Variants in RBFOX1 observed in about 807,000 individuals in gnomAD.
RBFOX1 encodes the protein RNA binding protein fox-1 homolog 1.
In RBFOX1, 8 loss-of-function variants were observed where a neutral mutation model predicts 57.7. The observed-to-expected ratio is 0.14, with a 90% CI of 0.08 to 0.25. The LOEUF (loss-of-function observed/expected upper bound fraction) is 0.25, where lower values mean the gene tolerates loss of function less well. RBFOX1 is among the 10% of genes least tolerant of loss of function. The pLI is 1.00. For missense variants in RBFOX1, 611 were observed against 548.5 expected (o/e 1.11, Z -1.14); for synonymous variants, 326 against 222.4 (o/e 1.47, Z -4.15).
chr16:5,595,771 G>A (rs756345430), intron 2 of RBFOX1, among the ~76,000 whole-genome samples: 16 of 152,246 alleles, frequency 1.1e-4, no homozygotes, highest in East Asian at 1.9e-4. Flanking sequence ...CTCTGTTTTC[G>A]AGTTAAGGAG....
intron 1 of RBFOX1, among the ~76,000 whole-genome samples, chr16:6,166,222 C>T (rs999570848): frequency 4.6e-5 from 7 of 152,134 alleles, no homozygotes; most frequent in African/African-American, 1.7e-4. Flanking sequence ...AAACGTCTTC[C>T]ACCTCACAGG....
intron 4 of RBFOX1, among the ~76,000 whole-genome samples, chr16:7,262,937 G>T (rs1019013763): frequency 1.3e-5 from 2 of 152,162 alleles, no homozygotes; most frequent in Non-Finnish European, 2.9e-5. Flanking sequence ...ATTGCCACTG[G>T]ACAAGAGAGT....
intron 1 of RBFOX1, among the ~76,000 whole-genome samples, chr16:5,332,020 T>G (rs2064770385): frequency 6.6e-6 from 1 of 152,214 alleles, no homozygotes; most frequent in African/African-American, 2.4e-5. Flanking sequence ...AAATAAAGCC[T>G]AAAAGTAGAC....
chr16:6,379,540 A>T (rs889424784), intron 2 of RBFOX1, among the ~76,000 whole-genome samples: 2 of 152,184 alleles, frequency 1.3e-5, no homozygotes, highest in African/African-American at 4.8e-5. Flanking sequence ...TATGAGCAGA[A>T]GGGTAGAAAG....
chr16:6,802,536 G>T (rs112674280), intron 3 of RBFOX1, among the ~76,000 whole-genome samples: 2 of 152,204 alleles, frequency 1.3e-5, no homozygotes, highest in East Asian at 3.9e-4. Flanking sequence ...AGTTACTCGG[G>T]CATGGTGGTG....
At chr16:7,577,769 C>G (rs556964873) in intron 5 of RBFOX1, among the ~76,000 whole-genome samples, 8 of 152,284 alleles carry the variant, frequency 5.3e-5, no homozygotes, top group Admixed American at 2.0e-4. Context: ...TATAATGGCT[C>G]ATGCCTGTAA....
At chr16:6,774,077 C>T (rs2078922370) in intron 3 of RBFOX1, 1 of 880,950 alleles carries the variant, frequency 1.1e-6, no homozygotes, top group Non-Finnish European at 1.4e-6. Flanking sequence ...CCATTAATTT[C>T]CTAGCTTTAA....
chr16:6,239,126 A>G (rs1424997766), intron 1 of RBFOX1, among the ~76,000 whole-genome samples: 1 of 152,114 alleles, frequency 6.6e-6, no homozygotes, highest in Middle Eastern at 3.2e-3. Flanking sequence ...CCCCATTCCC[A>G]CAGCATACAC....
intron 4 of RBFOX1, among the ~76,000 whole-genome samples, chr16:7,371,317 G>A (rs185804499): frequency 2.8e-4 from 43 of 152,214 alleles, no homozygotes; most frequent in East Asian, 1.9e-4. Context: ...AAAGTGGTAC[G>A]TGCCTGTGAT....
At chr16:7,484,362 T>A (rs1234139627) in intron 4 of RBFOX1, among the ~76,000 whole-genome samples, 7 of 152,212 alleles carry the variant, frequency 4.6e-5, no homozygotes, top group Admixed American at 4.6e-4. Flanking sequence ...GTAGAAATGC[T>A]GGGAGACATG....
chr16:7,537,695 TCCA>T (rs2081863541), intron 5 of RBFOX1, among the ~76,000 whole-genome samples: 1 of 152,184 alleles, frequency 6.6e-6, no homozygotes, highest in South Asian at 2.1e-4. Flanking sequence ...CGTGATTTCA[TCCA>T]GGCCCTTATG....
chr16:5,877,033 G>T (rs2057629935), intron 4 of RBFOX1, among the ~76,000 whole-genome samples: 1 of 152,128 alleles, frequency 6.6e-6, no homozygotes, highest in Admixed American at 6.5e-5. Context: ...CAGGCCAAGG[G>T]CAAAGATTTA....
intron 3 of RBFOX1, among the ~76,000 whole-genome samples, chr16:6,961,861 C>G (rs559486627): frequency 7.2e-5 from 11 of 152,230 alleles, no homozygotes; most frequent in African/African-American, 2.6e-4. Context: ...TCCTTGCCAT[C>G]CTGGTTTGGG....
intron 3 of RBFOX1, among the ~76,000 whole-genome samples, chr16:6,904,732 G>T (rs1396261388): frequency 6.6e-6 from 1 of 151,786 alleles, no homozygotes; most frequent in Non-Finnish European, 1.5e-5. Context: ...TACTCACAGG[G>T]ACCCTCGCCT....
chr16:5,460,374 A>G (rs142006500), intron 1 of RBFOX1, among the ~76,000 whole-genome samples: 3 of 152,042 alleles, frequency 2.0e-5, no homozygotes, highest in East Asian at 1.9e-4. Context: ...GGAGTTTACC[A>G]TTATCCCATC....
At chr16:6,136,422 C>G (rs2096668010) in intron 1 of RBFOX1, among the ~76,000 whole-genome samples, 1 of 152,054 alleles carries the variant, frequency 6.6e-6, no homozygotes, top group South Asian at 2.1e-4. Context: ...TTGAGACATA[C>G]TGAGGCAATT....
chr16:5,858,654 G>A (rs1466316398), intron 3 of RBFOX1, among the ~76,000 whole-genome samples: 1 of 152,208 alleles, frequency 6.6e-6, no homozygotes. Flanking sequence ...ATTCCTGACA[G>A]TGAGAGTTAT....
intron 5 of RBFOX1, among the ~76,000 whole-genome samples, chr16:7,537,763 G>C (rs866533288): frequency 1.3e-5 from 2 of 152,158 alleles, no homozygotes; most frequent in African/African-American, 2.4e-5. Context: ...CAGAGACTAA[G>C]CAAACCCCGC....
chr16:5,556,656 ACT>A (rs576858939), intron 2 of RBFOX1, among the ~76,000 whole-genome samples: 230 of 152,062 alleles, frequency 1.5e-3, no homozygotes, highest in Non-Finnish European at 2.7e-3. Flanking sequence ...CTGCAGACTG[ACT>A]CTCACCCTCG....
Sources: gnomAD v4.1 joint callset for allele counts (sites outside exome capture counted in the v4.1 genomes callset) on GRCh38, gnomAD v4.1.1 for gene constraint, MANE v1.5 for transcripts, NCBI Gene and HGNC (gene_info 2026-07-23, HGNC 2026-07-21) for gene names.